PPP2CB: variants seen among roughly 807,000 people sequenced by gnomAD.
PPP2CB encodes the protein serine/threonine-protein phosphatase 2A catalytic subunit beta isoform.
Under a neutral mutation model 39.1 loss-of-function variants are expected in PPP2CB, and 18 were observed. The ratio of observed to expected loss-of-function variants is 0.46; its 90% CI spans 0.32 to 0.68. The LOEUF (loss-of-function observed/expected upper bound fraction) is 0.68, where lower values mean the gene tolerates loss of function less well. PPP2CB is among the 30% of genes least tolerant of loss of function. The pLI is 0.04. For synonymous variants in PPP2CB, 129 were observed against 133.8 expected, an observed-to-expected ratio of 0.96 and a Z score of 0.25; for missense variants, 226 against 396.9, an observed-to-expected ratio of 0.57 and a Z score of 3.66.
chr8:30,791,358 G>A, intron 5 of PPP2CB, 43 bp from the exon 6 acceptor site: 1 of 1,387,244 alleles, frequency 7.2e-7, no homozygotes, highest in East Asian at 2.3e-5. Flanking sequence ...ATAATATTAT[G>A]ATTTTGACAC....
intron 1 of PPP2CB, among the ~76,000 whole-genome samples, chr8:30,802,845 G>C (rs1389551400): frequency 6.6e-6 from 1 of 152,134 alleles, no homozygotes; most frequent in South Asian, 2.1e-4. Context: ...TGCTAAAAGA[G>C]AGAAGCCAAA....
chr8:30,810,208 G>C (rs1806802052), intron 1 of PPP2CB: 1 of 152,300 alleles, frequency 6.6e-6, no homozygotes, highest in South Asian at 2.1e-4. Context: ...TGTAATCCCA[G>C]CACTTTGGAA....
At chr8:30,802,449 G>C (rs537504013) in intron 1 of PPP2CB, among the ~76,000 whole-genome samples, 2 of 152,122 alleles carry the variant, frequency 1.3e-5, no homozygotes, top group South Asian at 2.1e-4. Context: ...TGGGTAGAGT[G>C]CATTTGCTTT....
At chr8:30,794,365 C>T (rs1285457311) in intron 3 of PPP2CB, 84 bp from the exon 4 acceptor site, 1 of 1,187,058 alleles carries the variant, frequency 8.4e-7, no homozygotes, top group Non-Finnish European at 1.2e-6. Flanking sequence ...TTAAAAGTGT[C>T]AGTCCAAATA....
At chr8:30,807,051 G>C (rs1459284335) in intron 1 of PPP2CB, among the ~76,000 whole-genome samples, 1 of 152,166 alleles carries the variant, frequency 6.6e-6, no homozygotes, top group East Asian at 1.9e-4. Flanking sequence ...CTAAGAGGCT[G>C]GCTTAGCAAG....
At chr8:30,797,828 A>C (rs1289251548) in intron 2 of PPP2CB, 74 bp from the exon 3 acceptor site, 2 of 1,455,962 alleles carry the variant, frequency 1.4e-6, no homozygotes, top group Non-Finnish European at 1.9e-6. Context: ...CCAGTCTCTG[A>C]CCCATTTTTA....
chr8:30,812,447 C>G lies in PPP2CB; in HGVS notation c.-26G>C, dbSNP rs1441191014. 1.3e-6 allele frequency: 2 copies of G among 1,483,138 alleles called. No homozygotes were observed. Among genetic ancestry groups the G allele is most frequent in the Non-Finnish European group, 1.8e-6 (2 of 1,111,124 alleles). The allele number at this position is 1,483,138 out of a possible 1,614,324, so 91.9% of individuals were successfully genotyped here. A position where few individuals can be genotyped will look rare whatever the true frequency, so the allele number is the denominator to read the frequency against. On this transcript the variant is annotated 5_prime_UTR_variant, in exon 1 of 7. Coordinates refer to ENST00000221138, the MANE Select transcript of PPP2CB (RefSeq NM_001009552.2). ...GGCGGCCCGATCCCGATGCGGATCC[C>G]GAGCCCCAGCCCGGCCGCCGCCCTC... is the stretch of plus-strand genomic sequence containing the variant.
chr8:30,787,208 A>C (rs1486795940), intron 6 of PPP2CB, among the ~76,000 whole-genome samples: 1 of 152,208 alleles, frequency 6.6e-6, no homozygotes, highest in Non-Finnish European at 1.5e-5. Flanking sequence ...TTATATCTGT[A>C]TTCGTAACAA....
chr8:30,807,704 T>C (rs1806746738), intron 1 of PPP2CB, among the ~76,000 whole-genome samples: 2 of 152,222 alleles, frequency 1.3e-5, no homozygotes, highest in South Asian at 2.1e-4. Context: ...CAGTTAAATA[T>C]AGTTCTAGTC....
At chr8:30,803,760 A>G (rs1370564001) in intron 1 of PPP2CB, among the ~76,000 whole-genome samples, 1 of 135,592 alleles carries the variant, frequency 7.4e-6, no homozygotes, top group African/African-American at 3.4e-5. Context: ...TAAGACCTTA[A>G]ACATTTTTAA....
chr8:30,797,421 T>C (rs1027979558), intron 3 of PPP2CB, among the ~76,000 whole-genome samples, 160 bp downstream of exon 3: 3 of 152,204 alleles, frequency 2.0e-5, no homozygotes, highest in African/African-American at 4.8e-5. Flanking sequence ...GTGAAACTTA[T>C]CCACTTCCCT....
rs1586118615 is a variant in PPP2CB at position 30,785,997 on chromosome 8, T to C, written c.*238A>G. 3 of 638,968 alleles carry C rather than the reference T, an allele frequency of 4.7e-6. No individual in the cohort carries two copies. The highest frequency in any genetic ancestry group is 6.4e-5 in the East Asian group (2 of 31,442). The allele number at this position is 638,968 out of a possible 1,614,324, so 39.6% of individuals were successfully genotyped here. On this transcript the variant is annotated 3_prime_UTR_variant, in exon 7 of 7. Transcript: ENST00000221138. The stretch of plus-strand genomic sequence containing the variant: ...TCCAAAGGAAAATGGTTACTATAAA[T>C]ACAGCAGGCAAACTGTTAGACTGAC...
intron 2 of PPP2CB, among the ~76,000 whole-genome samples, chr8:30,798,844 G>A (rs900358646): frequency 4.6e-5 from 7 of 152,220 alleles, no homozygotes; most frequent in Non-Finnish European, 2.9e-5. Context: ...GTTACATGGA[G>A]GAAGTGAGAC....
intron 1 of PPP2CB, among the ~76,000 whole-genome samples, chr8:30,811,237 T>C (rs1001828334): frequency 2.0e-5 from 3 of 152,304 alleles, no homozygotes; most frequent in Middle Eastern, 3.4e-3. Context: ...AAAAAAACTT[T>C]ATATATATTA....
intron 5 of PPP2CB, chr8:30,791,528 C>A: frequency 2.6e-6 from 1 of 384,886 alleles, no homozygotes. Context: ...ATGCAGCTCG[C>A]TAATTGTTGT....
At chr8:30,791,868 ATATG>A (rs1010480911) in intron 5 of PPP2CB, among the ~76,000 whole-genome samples, 58 of 151,766 alleles carry the variant, frequency 3.8e-4, no homozygotes, top group African/African-American at 1.2e-3. Flanking sequence ...ATATATGTAT[ATATG>A]TGTGTGCATA....
intron 3 of PPP2CB, 45 bp from the exon 4 acceptor site, chr8:30,794,326 CCAAA>C (rs770123224): frequency 2.7e-6 from 4 of 1,468,650 alleles, no homozygotes; most frequent in Non-Finnish European, 1.9e-6. Context: ...TTTACTAACT[CCAAA>C]CAGTTAACAA....
intron 1 of PPP2CB, among the ~76,000 whole-genome samples, chr8:30,805,349 G>C (rs909909917): frequency 7.2e-5 from 11 of 152,206 alleles, no homozygotes; most frequent in African/African-American, 2.7e-4. Context: ...CACAAGGTCA[G>C]GAGATCCGAG....
intron 3 of PPP2CB, among the ~76,000 whole-genome samples, chr8:30,795,896 T>A (rs1032708556): frequency 1.3e-5 from 2 of 152,254 alleles, no homozygotes; most frequent in African/African-American, 4.8e-5. Flanking sequence ...GTGTTTTATG[T>A]GCCTTCCATC....
Sources: gnomAD v4.1 joint callset for allele counts (sites outside exome capture counted in the v4.1 genomes callset) on GRCh38, gnomAD v4.1.1 for gene constraint, MANE v1.5 for transcripts, NCBI Gene and HGNC (gene_info 2026-07-23, HGNC 2026-07-21) for gene names.